Variants in FYCO1 observed in about 807,000 individuals in gnomAD.
The protein encoded by FYCO1 is FYVE and coiled-coil domain-containing protein 1.
In FYCO1, 122 loss-of-function variants were observed where a neutral mutation model predicts 165.1. That is an observed-to-expected ratio of 0.74 (90% CI 0.64 to 0.86). FYCO1 has a LOEUF of 0.86. FYCO1 is among the 40% of genes least tolerant of loss of function. FYCO1 has a pLI of 0.00. For missense variants in FYCO1, 1,702 were observed against 1,810.3 expected, an observed-to-expected ratio of 0.94 and a Z score of 1.09; for synonymous variants, 648 against 742.5, an observed-to-expected ratio of 0.87 and a Z score of 2.07.
chr3:45,935,347 T>A (rs945331197), intron 15 of FYCO1, among the ~76,000 whole-genome samples: 11 of 152,232 alleles, frequency 7.2e-5, no homozygotes, highest in African/African-American at 1.9e-4. Flanking sequence ...GCTACACACC[T>A]CATTTTGGGG....
chr3:45,976,057 CA>C (rs1706740947), intron 4 of FYCO1, among the ~76,000 whole-genome samples: 1 of 152,102 alleles, frequency 6.6e-6, no homozygotes. Context: ...AGAAGGAGCC[CA>C]GGGGTGAGAC....
chr3:45,954,683 T>C (rs937462943), intron 14 of FYCO1, among the ~76,000 whole-genome samples: 20 of 152,122 alleles, frequency 1.3e-4, no homozygotes, highest in African/African-American at 4.3e-4. Flanking sequence ...ATGAGGCCTG[T>C]AGAGGAATGA....
chr3:45,962,339 T>C lies in FYCO1; in HGVS notation c.3323A>G (p.Lys1108Arg), dbSNP rs139535132. 514 of 1,614,086 alleles carry C rather than the reference T, an allele frequency of 3.2e-4. No individual in the cohort carries two copies. The African/African-American group carries it at 4.6e-3, about 14-fold the overall frequency. ...ATTKIQEYYN[K>R]LCQEVTNRER... ...ACGATTTGTCACCTCCTGGCAGAGT[T>C]TGTTGTAATACTCTTGGATTTTTGT... Residue 1108 changes from lysine to arginine, a missense_variant, in exon 11 of 18, where the codon AAA (lysine) becomes AGA (arginine). Coordinates refer to ENST00000296137, the MANE Select transcript of FYCO1 (RefSeq NM_024513.4). This position sits in a 1 kb window ranked among gnomAD's most constrained non-coding sequence, Gnocchi z 4.4.
rs548099446 is a variant in FYCO1, at chr3:45,952,462, C to A, written c.3944+2787G>T. Among the ~76,000 whole-genome samples, 92 of 152,160 alleles carry A rather than the reference C, an allele frequency of 6.0e-4. 1 individual carries two copies. The highest frequency in any genetic ancestry group is 2.2e-3 in the African/African-American group (91 of 41,516). On this transcript the variant is annotated intron_variant, in intron 14 of 17. Transcript: ENST00000296137. ...CTTGGGTTTATCTCTAGCTAATGCACAAAAAAAGTGTCTGACAACGCAGCC... is the reference window on the plus strand; with the variant it reads ...CTTGGGTTTATCTCTAGCTAATGCAAAAAAAAAGTGTCTGACAACGCAGCC...
At chr3:45,986,029 A>G (rs1707298149) in intron 1 of FYCO1, among the ~76,000 whole-genome samples, 1 of 152,242 alleles carries the variant, frequency 6.6e-6, no homozygotes, top group South Asian at 2.1e-4. Flanking sequence ...TACACACATG[A>G]TCACTTTTAA....
intron 6 of FYCO1, among the ~76,000 whole-genome samples, chr3:45,970,648 A>G (rs987529160): frequency 2.0e-5 from 3 of 152,186 alleles, no homozygotes; most frequent in African/African-American, 7.2e-5. Context: ...CTGTCACTCA[A>G]CTGGCACTGT....
At chr3:45,982,538 C>T (rs1707109677) in intron 2 of FYCO1, among the ~76,000 whole-genome samples, 1 of 152,132 alleles carries the variant, frequency 6.6e-6, no homozygotes, top group African/African-American at 2.4e-5. Flanking sequence ...GAAAACCCAC[C>T]TTTGACTCTC....
chr3:45,948,832 A>G (rs1016491948), intron 14 of FYCO1, among the ~76,000 whole-genome samples: 2 of 152,302 alleles, frequency 1.3e-5, no homozygotes, highest in Admixed American at 1.3e-4. Context: ...CCTTGGGCGA[A>G]TCTCTTAGCC....
intron 1 of FYCO1, among the ~76,000 whole-genome samples, chr3:45,989,085 G>A (rs1044069826): frequency 1.3e-5 from 2 of 152,176 alleles, no homozygotes; most frequent in Non-Finnish European, 2.9e-5. Flanking sequence ...CATCAGGGGA[G>A]GAGGAGGTTG....
intron 15 of FYCO1, among the ~76,000 whole-genome samples, chr3:45,933,345 T>G (rs539846101): frequency 6.6e-6 from 1 of 152,288 alleles, no homozygotes; most frequent in African/African-American, 2.4e-5. Context: ...TTGCTGTCAC[T>G]CTCTTTGAAA....
intron 14 of FYCO1, chr3:45,938,221 G>C: frequency 7.8e-7 from 1 of 1,289,252 alleles, no homozygotes; most frequent in Non-Finnish European, 1.0e-6. Context: ...TCACAGAGCA[G>C]GTTTCCCAGA....
At chr3:45,946,619 G>A (rs778197838) in intron 14 of FYCO1, 1 of 1,614,202 alleles carries the variant, frequency 6.2e-7, no homozygotes, top group East Asian at 2.2e-5. Context: ...TCTGTGGTCT[G>A]GTGGGGAACT....
Position 45,968,096 on chromosome 3 carries a change from T to C in FYCO1, c.1238A>G (p.Glu413Gly). 1 of 1,614,200 alleles carries C rather than the reference T, an allele frequency of 6.2e-7. No individual in the cohort carries two copies. The highest frequency in any genetic ancestry group is 1.1e-5 in the South Asian group (1 of 91,088). The stretch of plus-strand genomic sequence containing the variant: ...GTTGACCTCCTCGACCTTGGTTCTC[T>C]CCCTTTCTAGGGCTTGAAGCTTCTC... ...LGEKLQALER[E>G]RTKVEEVNRQ... is the part of the protein sequence containing the mutation. The change falls in exon 8 of 18, where the codon GAG (glutamate) becomes GGG (glycine). Residue 413 changes from glutamate (E) to glycine (G), a missense_variant. Glu to Gly is a moderately conservative substitution (Grantham distance 98). Transcript: ENST00000296137.
Position 45,985,030 on chromosome 3 carries a change from G to C in FYCO1, c.-112-8C>G. 1 of 889,088 alleles carries C rather than the reference G, an allele frequency of 1.1e-6. No individual in the cohort carries two copies. Among genetic ancestry groups the C allele is most frequent in the Non-Finnish European group, 1.9e-6 (1 of 522,582 alleles). The allele number at this position is 889,088 out of a possible 1,614,324, so 55.1% of individuals were successfully genotyped here. A position where few individuals can be genotyped will look rare whatever the true frequency, so the allele number is the denominator to read the frequency against. On this transcript the variant is annotated splice_polypyrimidine_tract_variant and splice_region_variant and intron_variant, in intron 1 of 17. Transcript: ENST00000296137. Reference sequence around the variant, plus strand: ...CAGACTCCATGGTGGCACCTGCACAGAGGAAGGGGAGGCCATGGAGGAAGC... The same window carrying C: ...CAGACTCCATGGTGGCACCTGCACACAGGAAGGGGAGGCCATGGAGGAAGC...
intron 14 of FYCO1, among the ~76,000 whole-genome samples, chr3:45,942,904 G>A (rs1704319250): frequency 6.6e-6 from 1 of 152,210 alleles, no homozygotes; most frequent in Non-Finnish European, 1.5e-5. Flanking sequence ...TCATCATGCT[G>A]TTGATTGGTC....
At chr3:45,930,820 G>A (rs1262176964) in intron 16 of FYCO1, among the ~76,000 whole-genome samples, 30 of 152,180 alleles carry the variant, frequency 2.0e-4, no homozygotes, top group Non-Finnish European at 2.9e-5. Flanking sequence ...CCCAAGGGCA[G>A]ACTGTACCTG....
intron 5 of FYCO1, among the ~76,000 whole-genome samples, chr3:45,974,810 C>CCA (rs10686383): frequency 0.61 from 92,616 of 151,848 alleles, 28,753 homozygotes; most frequent in South Asian, 0.72. Flanking sequence ...TGGCTACCCA[C>CCA]CAGTCTCCAG....
chr3:45,945,211 T>G (rs557703664), intron 14 of FYCO1: 6 of 152,258 alleles, frequency 3.9e-5, no homozygotes, highest in Non-Finnish European at 8.8e-5. Flanking sequence ...TGCACTTGTC[T>G]GGTCAGGCAA....
intron 14 of FYCO1, among the ~76,000 whole-genome samples, chr3:45,948,550 A>G (rs976765963): frequency 2.6e-5 from 4 of 152,204 alleles, no homozygotes; most frequent in Admixed American, 6.5e-5. Flanking sequence ...TGTGGGGCAC[A>G]TTTGTTTAAC....
Sources: gnomAD v4.1 joint callset for allele counts (sites outside exome capture counted in the v4.1 genomes callset) on GRCh38, gnomAD v4.1.1 for gene constraint, Gnocchi (gnomAD v3.1) non-coding constraint, MANE v1.5 for transcripts, NCBI Gene and HGNC (gene_info 2026-07-23, HGNC 2026-07-21) for gene names.